PANK2: variants seen among roughly 807,000 people sequenced by gnomAD.
The protein encoded by PANK2 is pantothenate kinase 2, also known as pantothenate kinase 2, mitochondrial.
Under a neutral mutation model 43.1 loss-of-function variants are expected in PANK2, and 36 were observed. The observed-to-expected ratio is 0.84, with a 90% CI of 0.64 to 1.10. The LOEUF (loss-of-function observed/expected upper bound fraction) is 1.10. Ranked by LOEUF, PANK2 falls within the 50% of genes least tolerant of loss-of-function variation. PANK2 has a pLI of 0.00. For synonymous variants in PANK2, 281 were observed against 238.2 expected, an observed-to-expected ratio of 1.18 and a Z score of -1.66; for missense variants, 576 against 593.3, an observed-to-expected ratio of 0.97 and a Z score of 0.30.
chr20:3,906,638 A>G (rs2090390095), intron 1 of PANK2, among the ~76,000 whole-genome samples: 1 of 152,060 alleles, frequency 6.6e-6, no homozygotes, highest in Non-Finnish European at 1.5e-5. Flanking sequence ...CTTGTAATTT[A>G]TTGAATACTG....
chr20:3,898,128 C>T (rs1410516016), intron 1 of PANK2, among the ~76,000 whole-genome samples: 1 of 152,178 alleles, frequency 6.6e-6, no homozygotes, highest in African/African-American at 2.4e-5. Context: ...AAAGCCATTG[C>T]TGCATTACTG....
chr20:3,913,268 C>T (rs960654532), intron 4 of PANK2, among the ~76,000 whole-genome samples: 5 of 152,116 alleles, frequency 3.3e-5, no homozygotes, highest in Admixed American at 6.5e-5. Flanking sequence ...TTTGTGATTA[C>T]TTCTTCATAT....
chr20:3,897,315 T>C (rs1033313413), intron 1 of PANK2, among the ~76,000 whole-genome samples: 1 of 152,144 alleles, frequency 6.6e-6, no homozygotes, highest in Non-Finnish European at 1.5e-5. Flanking sequence ...GGTCTTAATA[T>C]CAGGAAATAT....
At chr20:3,890,429 A>G (rs2090103421) in intron 1 of PANK2, among the ~76,000 whole-genome samples, 1 of 152,230 alleles carries the variant, frequency 6.6e-6, no homozygotes, top group Non-Finnish European at 1.5e-5. Flanking sequence ...CGCTCCTCCC[A>G]GAGAATCCGT....
At chr20:3,908,387 T>C in intron 2 of PANK2, 109 bp downstream of exon 2, 1 of 1,103,062 alleles carries the variant, frequency 9.1e-7, no homozygotes, top group African/African-American at 1.6e-5. Flanking sequence ...TGAATTTTCT[T>C]GAGTCAAATG....
intron 1 of PANK2, among the ~76,000 whole-genome samples, chr20:3,894,484 C>T (rs1344373554): frequency 6.8e-6 from 1 of 146,296 alleles, no homozygotes; most frequent in Non-Finnish European, 1.5e-5. Flanking sequence ...CGGTGATCTG[C>T]CCACCTCAGC....
intron 1 of PANK2, among the ~76,000 whole-genome samples, chr20:3,895,389 C>G (rs796819928): frequency 6.6e-6 from 1 of 151,110 alleles, no homozygotes. Context: ...TGCTTGAGCC[C>G]GGAGGATTGC....
At chr20:3,920,928 T>C (rs1206163372) in intron 6 of PANK2, among the ~76,000 whole-genome samples, 3 of 152,352 alleles carry the variant, frequency 2.0e-5, no homozygotes, top group African/African-American at 7.2e-5. Context: ...TTTGTCCTTA[T>C]TGCTCGCTGA....
chr20:3,904,937 A>T (rs577438566), intron 1 of PANK2, among the ~76,000 whole-genome samples: 6 of 152,148 alleles, frequency 3.9e-5, no homozygotes, highest in African/African-American at 1.4e-4. Context: ...GTTGGTCAGG[A>T]TTGATTTTAG....
At chr20:3,890,982 T>C (rs1259666941) in intron 1 of PANK2, among the ~76,000 whole-genome samples, 1 of 152,206 alleles carries the variant, frequency 6.6e-6, no homozygotes, top group Admixed American at 6.5e-5. Context: ...TCGTTGGAAA[T>C]GGATGTAAAT....
chr20:3,918,005 A>G (rs961531858), intron 5 of PANK2, among the ~76,000 whole-genome samples: 3 of 152,238 alleles, frequency 2.0e-5, no homozygotes, highest in African/African-American at 4.8e-5. Flanking sequence ...CTCGGCAGTA[A>G]GCATTTTTAA....
intron 1 of PANK2, among the ~76,000 whole-genome samples, chr20:3,897,776 G>T (rs1313079672): frequency 6.6e-6 from 1 of 152,166 alleles, no homozygotes; most frequent in African/African-American, 2.4e-5. Context: ...GGAGGCCGAG[G>T]TGGGCGAATT....
At chr20:3,901,471 G>T in intron 1 of PANK2, 1 of 330,476 alleles carries the variant, frequency 3.0e-6, no homozygotes, top group Non-Finnish European at 4.3e-6. Flanking sequence ...TCTAAATTTT[G>T]ACACATTTAA....
intron 4 of PANK2, among the ~76,000 whole-genome samples, chr20:3,914,013 T>C (rs1298197199): frequency 1.3e-5 from 2 of 151,388 alleles, no homozygotes; most frequent in Non-Finnish European, 2.9e-5. Flanking sequence ...ATGGTCTCGA[T>C]CTGCTGACCT....
At chr20:3,909,237 C>T (rs1416083446) in intron 2 of PANK2, among the ~76,000 whole-genome samples, 6 of 151,936 alleles carry the variant, frequency 3.9e-5, no homozygotes, top group Non-Finnish European at 8.8e-5. Flanking sequence ...TGTGCCACCA[C>T]GCCCGGCTAA....
At chr20:3,889,862 G>T (rs1198054340) in intron 1 of PANK2, 134 bp downstream of exon 1, 2 of 1,533,310 alleles carry the variant, frequency 1.3e-6, no homozygotes, top group African/African-American at 2.7e-5. Flanking sequence ...GTTGGTGCGT[G>T]GCCTGACATC....
At chr20:3,902,342 T>A (rs892716094) in intron 1 of PANK2, among the ~76,000 whole-genome samples, 2 of 151,782 alleles carry the variant, frequency 1.3e-5, no homozygotes, top group Non-Finnish European at 2.9e-5. Context: ...ATTTATTTTT[T>A]ATTTTTGAGA....
At chr20:3,897,276 T>C (rs943378754) in intron 1 of PANK2, among the ~76,000 whole-genome samples, 1 of 152,130 alleles carries the variant, frequency 6.6e-6, no homozygotes, top group Non-Finnish European at 1.5e-5. Flanking sequence ...CTAAGTCAAG[T>C]ATAGGTTGTC....
rs1257162766 is a variant in PANK2, at chr20:3,923,677, G to A, written c.*383G>A. The A allele has an allele frequency of 1.1e-5, 3 of 283,902 alleles. No individual in the cohort carries two copies. The highest frequency in any genetic ancestry group is 9.3e-5 in the South Asian group (2 of 21,544). 17.6% of individuals were successfully genotyped at this position (283,902 alleles called of 1,614,324 possible). A position where few individuals can be genotyped will look rare whatever the true frequency, so the allele number is the denominator to read the frequency against. ...CTGAATGTAAGGCAGGCTACTATGC[G>A]TTATAATCTAATCACAATTTGTCAA... On this transcript the variant is annotated 3_prime_UTR_variant, in exon 7 of 7. Transcript: ENST00000610179.
Sources: allele counts gnomAD v4.1 joint callset (sites outside exome capture counted in the v4.1 genomes callset), GRCh38; gene constraint gnomAD v4.1.1; transcripts MANE v1.5; gene names NCBI Gene and HGNC (gene_info 2026-07-23, HGNC 2026-07-21).